EYS: variants seen among roughly 807,000 people sequenced by gnomAD.
EYS encodes the protein EGF-like photoreceptor maintenance factor.
Under a neutral mutation model 282.1 loss-of-function variants are expected in EYS, and 250 were observed. That is an observed-to-expected ratio of 0.89 (90% CI 0.80 to 0.98). The LOEUF (loss-of-function observed/expected upper bound fraction) is 0.98, where lower values mean the gene tolerates loss of function less well. Ranked by LOEUF, EYS falls within the 50% of genes least tolerant of loss-of-function variation. The probability of loss-of-function intolerance (pLI) is 0.00; values close to 1 mark genes in which losing one functional copy is unlikely to be tolerated. For synonymous variants in EYS, 1,355 were observed against 1,282.9 expected (o/e 1.06, Z -1.20); for missense variants, 4,016 against 3,709.0 (o/e 1.08, Z -2.15).
Position 65,344,168 on chromosome 6 carries a change from C to A in EYS, c.1469G>T (p.Gly490Val), listed in dbSNP as rs1481476592. The change falls in exon 10 of 43, where the codon GGC becomes GTC. Residue 490 changes from glycine (G) to valine (V), a missense_variant. Physicochemically the swap from Gly to Val is moderately radical, Grantham distance 109. Transcript: ENST00000503581. Reference sequence around the variant, plus strand: ...ATCAATAACCCCTTGGCACTTTTCGCCTTCAGATCCTTTAAAAAAAAAGAG... The same window carrying A: ...ATCAATAACCCCTTGGCACTTTTCGACTTCAGATCCTTTAAAAAAAAAGAG... ...VWQLGFAGSE[G>V]EKCQGVIDAY... 1.9e-6 allele frequency: 3 copies of A among 1,607,912 alleles called. No individual in the cohort carries two copies. Among genetic ancestry groups the A allele is most frequent in the Non-Finnish European group, 2.6e-6 (3 of 1,176,072 alleles).
intron 26 of EYS, among the ~76,000 whole-genome samples, chr6:64,461,826 T>G (rs1342392722): frequency 6.6e-6 from 1 of 152,198 alleles, no homozygotes; most frequent in Non-Finnish European, 1.5e-5. Flanking sequence ...ATATTTTCAA[T>G]ATGATAATTT....
At chr6:65,142,431 A>G (rs2150209713) in intron 12 of EYS, among the ~76,000 whole-genome samples, 1 of 150,280 alleles carries the variant, frequency 6.7e-6, no homozygotes, top group South Asian at 2.1e-4. Context: ...TCTGTACTTG[A>G]CTCAGGTGGT....
chr6:64,404,233 G>A lies in EYS; in HGVS notation c.5928-15393C>T, dbSNP rs188014578. Among the ~76,000 whole-genome samples, 249 of 151,190 alleles carry A rather than the reference G, an allele frequency of 1.6e-3. 2 individuals carry two copies. Among genetic ancestry groups the A allele is most frequent in the African/African-American group, 6.0e-3 (242 of 40,522 alleles). ...GTCACTGGAGCTTTTAGGTTACTTT[G>A]CTTTAACACATGAGGGATAAAATAG... On this transcript the variant is annotated intron_variant, in intron 28 of 42. Transcript: ENST00000503581.
intron 1 of EYS, among the ~76,000 whole-genome samples, chr6:65,683,067 C>T (rs1474590467): frequency 1.3e-5 from 2 of 151,940 alleles, no homozygotes; most frequent in African/African-American, 4.8e-5. Flanking sequence ...TTATTAGAAA[C>T]TGTCATAGTC....
At chr6:64,818,084 A>G (rs1341030115) in intron 21 of EYS, among the ~76,000 whole-genome samples, 1 of 152,102 alleles carries the variant, frequency 6.6e-6, no homozygotes, top group Non-Finnish European at 1.5e-5. Flanking sequence ...TATATTTATA[A>G]TTTGATATCT....
intron 30 of EYS, among the ~76,000 whole-genome samples, chr6:64,290,964 C>T (rs113531045): frequency 7.2e-5 from 1 of 13,876 alleles, no homozygotes; most frequent in African/African-American, 4.9e-4. Flanking sequence ...GGCTATGTTC[C>T]AGTAGATGCA....
intron 22 of EYS, among the ~76,000 whole-genome samples, chr6:64,763,783 G>A (rs1399250528): frequency 2.0e-5 from 3 of 151,954 alleles, no homozygotes; most frequent in Admixed American, 2.0e-4. Flanking sequence ...ATACAGTGGG[G>A]GTACACAAAT....
chr6:65,255,398 G>A (rs571208979), intron 12 of EYS, among the ~76,000 whole-genome samples: 1 of 151,338 alleles, frequency 6.6e-6, no homozygotes, highest in African/African-American at 2.4e-5. Context: ...AATAACTTAA[G>A]TCATAAAGCT....
intron 5 of EYS, among the ~76,000 whole-genome samples, chr6:65,436,115 G>C (rs12192469): frequency 0.19 from 28,114 of 151,908 alleles, 3,224 homozygotes; most frequent in Middle Eastern, 0.29. Flanking sequence ...TAGAAGAAAA[G>C]TCTAATAGCA....
chr6:64,458,233 T>C (rs934493087), intron 26 of EYS, among the ~76,000 whole-genome samples: 1 of 152,080 alleles, frequency 6.6e-6, no homozygotes, highest in South Asian at 2.1e-4. Flanking sequence ...AGTATTACAA[T>C]ATTCTGAATT....
chr6:65,379,036 T>TA (rs1363485785), intron 8 of EYS, among the ~76,000 whole-genome samples: 13 of 148,880 alleles, frequency 8.7e-5, no homozygotes, highest in African/African-American at 2.5e-4. Context: ...TGTACAATAA[T>TA]AAAAAAGATA....
chr6:64,390,195 G>A (rs1773068653), intron 28 of EYS, among the ~76,000 whole-genome samples: 1 of 152,160 alleles, frequency 6.6e-6, no homozygotes, highest in Non-Finnish European at 1.5e-5. Flanking sequence ...CGAGGCTGGG[G>A]GAGGGGTGCC....
At chr6:65,250,138 AT>A (rs1181814408) in intron 12 of EYS, among the ~76,000 whole-genome samples, 1 of 151,994 alleles carries the variant, frequency 6.6e-6, no homozygotes, top group East Asian at 1.9e-4. Context: ...TTAGATTAAA[AT>A]TTTGTCAAGT....
At chr6:64,139,611 A>G (rs1398317038) in intron 31 of EYS, among the ~76,000 whole-genome samples, 4 of 152,136 alleles carry the variant, frequency 2.6e-5, no homozygotes, top group Non-Finnish European at 4.4e-5. Flanking sequence ...GGTTATCAAT[A>G]TGGGCATTGA....
At chr6:64,625,289 A>C (rs993970087) in intron 23 of EYS, among the ~76,000 whole-genome samples, 1 of 152,218 alleles carries the variant, frequency 6.6e-6, no homozygotes, top group African/African-American at 2.4e-5. Context: ...AAAGGTAGAG[A>C]TGGCCAAAAA....
chr6:64,169,431 G>GTTTTTTTTTTTTGTTTTTT (rs562487633), intron 31 of EYS, among the ~76,000 whole-genome samples: 1 of 140,962 alleles, frequency 7.1e-6, no homozygotes. Flanking sequence ...TTGAGGAGGA[G>GTTTTTTTTTTTTGTTTTTT]TTTTTTTTTT....
At chr6:64,307,713 C>T (rs797019232) in intron 29 of EYS, among the ~76,000 whole-genome samples, 1 of 152,102 alleles carries the variant, frequency 6.6e-6, no homozygotes, top group African/African-American at 2.4e-5. Context: ...ATTTTAGCTG[C>T]TCTTGCTACA....
In EYS at chr6:65,678,133, G is replaced by A. The variant is rs140969815; in HGVS notation, c.-448+29002C>T. 5.5e-3 allele frequency among the ~76,000 whole-genome samples: 844 copies of A among 152,114 alleles called. 8 individuals are homozygous for A. Among genetic ancestry groups the A allele is most frequent in the African/African-American group, 0.019 (784 of 41,550 alleles). Reference sequence around the variant, plus strand: ...AGCCAGCATGTCACATGATGAGAGCGTGAGCAAGGGGATGTGGGGTACCAC... The same window carrying A: ...AGCCAGCATGTCACATGATGAGAGCATGAGCAAGGGGATGTGGGGTACCAC... On this transcript the variant is annotated intron_variant, in intron 1 of 42. Transcript: ENST00000503581.
intron 22 of EYS, among the ~76,000 whole-genome samples, chr6:64,768,976 T>A (rs1301108360): frequency 6.6e-6 from 1 of 152,092 alleles, no homozygotes; most frequent in African/African-American, 2.4e-5. Context: ...TGGAGCTAGA[T>A]CCTGTTGCTT....
Sources: gnomAD v4.1 joint callset for allele counts (sites outside exome capture counted in the v4.1 genomes callset) on GRCh38, gnomAD v4.1.1 for gene constraint, MANE v1.5 for transcripts, NCBI Gene and HGNC (gene_info 2026-07-23, HGNC 2026-07-21) for gene names.